Variants in SUPT6H observed in about 807,000 individuals in gnomAD.
The protein encoded by SUPT6H is SPT6 homolog, histone chaperone and transcription elongation factor, also known as transcription elongation factor SPT6.
SUPT6H carries 11 observed loss-of-function variants against 222.3 expected under a neutral mutation model. The observed-to-expected ratio is 0.05, with a 90% CI of 0.03 to 0.08. SUPT6H has a LOEUF of 0.08. Among genes scored for constraint, SUPT6H ranks in the 10% least tolerant of loss-of-function variants. SUPT6H has a pLI of 1.00. For missense variants in SUPT6H, 1,422 were observed against 2,216.0 expected, an observed-to-expected ratio of 0.64 and a Z score of 7.19; for synonymous variants, 762 against 801.2, an observed-to-expected ratio of 0.95 and a Z score of 0.83.
chr17:28,690,626 T>C (rs774770732), intron 26 of SUPT6H, among the ~76,000 whole-genome samples: 1 of 152,020 alleles, frequency 6.6e-6, no homozygotes, highest in Non-Finnish European at 1.5e-5. Flanking sequence ...AATAAAAAAT[T>C]AGCTGAGCGT....
rs370688389 is a variant in SUPT6H, at chr17:28,677,779, A to G, written c.962A>G (p.Tyr321Cys). 3 of 1,614,230 alleles carry G rather than the reference A, an allele frequency of 1.9e-6. No homozygotes were observed. Among genetic ancestry groups the G allele is most frequent in the South Asian group, 1.1e-5 (1 of 91,088 alleles). Residue 321 changes from tyrosine to cysteine, a missense_variant, in exon 8 of 37, where the codon TAC (tyrosine) becomes TGC (cysteine). By Grantham distance (194) the Tyr-to-Cys change is radical (BLOSUM62 -2). Coordinates refer to ENST00000314616, the MANE Select transcript of SUPT6H (RefSeq NM_003170.5). ...DELEEEADWIYRNAFATPTIS... is the reference protein window; with the variant it reads ...DELEEEADWICRNAFATPTIS... Reference sequence around the variant, plus strand: ...CTAGAAGAAGAAGCTGACTGGATCTACAGGAATGCTTTTGCCACACCAACC... The same window carrying G: ...CTAGAAGAAGAAGCTGACTGGATCTGCAGGAATGCTTTTGCCACACCAACC...
chr17:28,676,104 T>C, intron 6 of SUPT6H, 53 bp from the exon 7 acceptor site: 3 of 1,530,752 alleles, frequency 2.0e-6, no homozygotes, highest in Non-Finnish European at 2.6e-6. Context: ...AAGGGCTGCA[T>C]TTCTCTCCTC....
At chr17:28,670,088 C>T (rs1415448305) in intron 1 of SUPT6H, 1 of 152,260 alleles carries the variant, frequency 6.6e-6, no homozygotes, top group Non-Finnish European at 1.5e-5. Context: ...AAACTCCACT[C>T]TATGCTCCTG....
rs574894675 is a variant in SUPT6H at position 28,681,934 on chromosome 17, A to G, written c.1551A>G (p.Gln517=). 24 of 1,609,958 alleles carry G rather than the reference A, an allele frequency of 1.5e-5. No individual in the cohort carries two copies. Among genetic ancestry groups the G allele is most frequent in the Non-Finnish European group, 2.0e-5 (23 of 1,178,960 alleles). The stretch of plus-strand genomic sequence containing the variant: ...AGCAGAGGGGGCCTGAGCTCAAGCA[A>G]GCCTCTCGCCGAGACATGTACACCA... ...DEEQRGPELK[Q]ASRRDMYTIC... is the part of the protein sequence containing the mutation. The change falls in exon 13 of 37, where the codon CAA becomes CAG. Residue 517 remains glutamine, a synonymous_variant. Transcript: ENST00000314616.
chr17:28,700,946 C>G lies in SUPT6H; in HGVS notation c.4812C>G (p.Phe1604Leu). ...SGGGSSAYHV[F>L]PTPAQQPVAT... The stretch of plus-strand genomic sequence containing the variant: ...AACTGTTCATGCCTCTCCAGGTATT[C>G]CCAACGCCAGCCCAGCAGCCAGTGG... Residue 1604 changes from phenylalanine to leucine, a missense_variant, in exon 36 of 37, where the codon TTC (phenylalanine) becomes TTG (leucine). Transcript: ENST00000314616. The G allele has an allele frequency of 6.2e-7, 1 of 1,611,060 alleles. No individual in the cohort carries two copies. The highest frequency in any genetic ancestry group is 8.5e-7 in the Non-Finnish European group (1 of 1,177,692).
intron 26 of SUPT6H, 22 bp from the exon 27 acceptor site, chr17:28,690,899 C>T (rs1237577594): frequency 6.8e-6 from 11 of 1,609,502 alleles, no homozygotes; most frequent in South Asian, 3.3e-5. Flanking sequence ...GCCTGCTCCC[C>T]ATCCTCTTTT....
chr17:28,673,099 G>A (rs1166841418), intron 1 of SUPT6H, among the ~76,000 whole-genome samples: 4 of 151,258 alleles, frequency 2.6e-5, no homozygotes, highest in African/African-American at 9.7e-5. Context: ...TGCAGTGAAC[G>A]GAGATTGCGC....
intron 17 of SUPT6H, 81 bp from the exon 18 acceptor site, chr17:28,684,505 T>C (rs781662412): frequency 1.0e-4 from 155 of 1,543,232 alleles, no homozygotes; most frequent in Non-Finnish European, 1.3e-4. Flanking sequence ...TGTGTATGAG[T>C]GTGTTTCCAT....
chr17:28,681,846 A>G (rs2031121345), intron 12 of SUPT6H, 36 bp from the exon 13 acceptor site: 1 of 1,566,580 alleles, frequency 6.4e-7, no homozygotes, highest in Non-Finnish European at 8.7e-7. Flanking sequence ...GTGATTGGAA[A>G]CTAGAACCCT....
At chr17:28,698,136 T>G (rs937977371) in intron 32 of SUPT6H, 106 bp downstream of exon 32, 1 of 1,406,208 alleles carries the variant, frequency 7.1e-7, no homozygotes, top group African/African-American at 1.4e-5. Flanking sequence ...GGACTGCCTT[T>G]CTCCTCTCAT....
At position 28,689,504 on chromosome 17, in the gene SUPT6H, C is replaced by A; in HGVS notation, c.3285C>A (p.Asn1095Lys). Residue 1095 changes from asparagine (N) to lysine (K), a missense_variant, in exon 25 of 37, where the codon AAC (asparagine) becomes AAA (lysine). By Grantham distance (94) the Asn-to-Lys change is moderately conservative (BLOSUM62 0). Transcript: ENST00000314616. The part of the protein sequence containing the change: ...PAGALEEILE[N>K]PERLKDLDLD... Reference sequence around the variant, plus strand: ...GAGCCCTTGAAGAAATCTTGGAAAACCCAGAGCGACTGAAAGACCTGGACC... The same window carrying A: ...GAGCCCTTGAAGAAATCTTGGAAAAACCAGAGCGACTGAAAGACCTGGACC... The A allele has an allele frequency of 6.2e-7, 1 of 1,614,162 alleles. No individual in the cohort carries two copies. The highest frequency in any genetic ancestry group is 1.1e-5 in the South Asian group (1 of 91,078).
intron 36 of SUPT6H, 117 bp from the exon 37 acceptor site, chr17:28,701,322 T>C: frequency 7.0e-7 from 1 of 1,434,784 alleles, no homozygotes; most frequent in African/African-American, 1.4e-5. Flanking sequence ...ATCTGCCTTA[T>C]CCCAGTAGAG....
chr17:28,676,321 T>C lies in SUPT6H; in HGVS notation c.788T>C (p.Val263Ala). The change falls in exon 7 of 37, where the codon GTG (valine) becomes GCG (alanine). Residue 263 changes from valine (V) to alanine (A), a missense_variant. Val to Ala is a moderately conservative substitution (Grantham distance 64). This residue lies in a region of SUPT6H where 389 missense variants were observed against 544.6 expected (regional missense o/e 0.71). Coordinates refer to ENST00000314616, the MANE Select transcript of SUPT6H (RefSeq NM_003170.5). Reference sequence around the variant, plus strand: ...CCCAAGAAGACCACCAAGAAGCGTGTGAGCCGTAGGAGCATCTTTGAAATG... The same window carrying C: ...CCCAAGAAGACCACCAAGAAGCGTGCGAGCCGTAGGAGCATCTTTGAAATG... The part of the protein sequence containing the change: ...VRPKKTTKKR[V>A]SRRSIFEMYE... 2 of 1,609,926 alleles carry C rather than the reference T, an allele frequency of 1.2e-6. No individual in the cohort carries two copies. The highest frequency in any genetic ancestry group is 4.5e-5 in the East Asian group (2 of 44,680).
At chr17:28,674,859 ATC>A (rs2030645612) in intron 4 of SUPT6H, 109 bp from the exon 5 acceptor site, 15 of 1,322,048 alleles carry the variant, frequency 1.1e-5, no homozygotes, top group Non-Finnish European at 1.6e-5. Context: ...GTTCTTTCCC[ATC>A]TCTCTTGGTC....
intron 7 of SUPT6H, among the ~76,000 whole-genome samples, chr17:28,677,476 C>T (rs931503664): frequency 1.2e-4 from 18 of 151,526 alleles, no homozygotes; most frequent in Admixed American, 9.9e-4. Context: ...ACTCCGGAGG[C>T]GGAGGTTGCA....
chr17:28,700,352 C>T lies in SUPT6H; in HGVS notation c.4646C>T (p.Thr1549Ile). The T allele has an allele frequency of 6.2e-7, 1 of 1,614,068 alleles. No homozygotes were observed. The highest frequency in any genetic ancestry group is 2.2e-5 in the East Asian group (1 of 44,888). The change falls in exon 35 of 37, where the codon ACA becomes ATA. Residue 1549 changes from threonine to isoleucine, a missense_variant. This residue lies in a region of SUPT6H where 395 missense variants were observed against 580.6 expected (regional missense o/e 0.68). Coordinates refer to ENST00000314616, the MANE Select transcript of SUPT6H (RefSeq NM_003170.5). ...CACCTCTGTGTGCTTACAGATCTGA[C>T]ACGGGCTGTGAATGCCCTGCCTCAG... is the stretch of plus-strand genomic sequence containing the variant. Reference protein sequence around the residue: ...TPANINLADLTRAVNALPQNM... With the variant: ...TPANINLADLIRAVNALPQNM...
At chr17:28,664,884 A>G (rs2029925216) in intron 1 of SUPT6H, among the ~76,000 whole-genome samples, 2 of 152,156 alleles carry the variant, frequency 1.3e-5, no homozygotes, top group Admixed American at 6.5e-5. Flanking sequence ...CCAGTCTTTC[A>G]GTAAGTCTTG....
In SUPT6H at chr17:28,695,426, C is replaced by T. The variant is rs1220732720; in HGVS notation, c.3849C>T (p.Thr1283=). 1.9e-6 allele frequency: 3 copies of T among 1,614,132 alleles called. No homozygotes were observed. In the East Asian group the frequency reaches 6.7e-5, roughly 36 times the overall value. ...EKFSADLTCR[T]SDLMDRNNEW... Reference sequence around the variant, plus strand: ...TCAGTGCAGACCTGACCTGCCGCACCTCAGACCTCATGGACAGGAACAATG... The same window carrying T: ...TCAGTGCAGACCTGACCTGCCGCACTTCAGACCTCATGGACAGGAACAATG... The change falls in exon 29 of 37, where the codon ACC becomes ACT. Residue 1283 remains threonine, a synonymous_variant. Transcript: ENST00000314616.
intron 8 of SUPT6H, 95 bp downstream of exon 8, chr17:28,677,911 C>A: frequency 7.4e-7 from 1 of 1,348,002 alleles, no homozygotes; most frequent in Non-Finnish European, 1.1e-6. Flanking sequence ...ATCCGTGTGC[C>A]TGGTATTAGA....
Sources: gnomAD v4.1 joint callset for allele counts (sites outside exome capture counted in the v4.1 genomes callset) on GRCh38, gnomAD v4.1.1 for gene constraint, gnomAD v4.1.1 regional missense constraint, MANE v1.5 for transcripts, NCBI Gene and HGNC (gene_info 2026-07-23, HGNC 2026-07-21) for gene names.